The following RBFOX1 variants were observed in gnomAD, a reference collection of about 807,000 sequenced individuals.
The protein encoded by RBFOX1 is RNA binding protein fox-1 homolog 1.
A neutral mutation model predicts 57.7 loss-of-function variants in RBFOX1; 8 were observed. The ratio of observed to expected loss-of-function variants is 0.14; its 90% CI spans 0.08 to 0.25. RBFOX1 has a LOEUF of 0.25. Ranked by LOEUF, RBFOX1 falls within the 10% of genes least tolerant of loss-of-function variation. The pLI is 1.00. For synonymous variants in RBFOX1, 326 were observed against 222.4 expected (o/e 1.47, Z -4.15); for missense variants, 611 against 548.5 (o/e 1.11, Z -1.14).
At chr16:6,059,373 T>C (rs912523232) in intron 1 of RBFOX1, 3 of 152,172 alleles carry the variant, frequency 2.0e-5, no homozygotes, top group Admixed American at 1.3e-4. Context: ...GTGATTTATA[T>C]AGAGATGACC....
At chr16:6,274,804 A>C (rs1201130081) in intron 1 of RBFOX1, among the ~76,000 whole-genome samples, 1 of 152,200 alleles carries the variant, frequency 6.6e-6, no homozygotes, top group African/African-American at 2.4e-5. Flanking sequence ...TAATAAAACT[A>C]AGTGCTATTC....
intron 1 of RBFOX1, among the ~76,000 whole-genome samples, chr16:5,451,970 C>A (rs1237850219): frequency 6.6e-6 from 1 of 152,074 alleles, no homozygotes; most frequent in Non-Finnish European, 1.5e-5. Context: ...TAAAATTCAC[C>A]ATCAAATTGA....
At chr16:6,592,685 G>A (rs1281541537) in intron 2 of RBFOX1, among the ~76,000 whole-genome samples, 1 of 152,170 alleles carries the variant, frequency 6.6e-6, no homozygotes, top group African/African-American at 2.4e-5. Flanking sequence ...GAAGCTCATA[G>A]TCCCCTGAGA....
intron 3 of RBFOX1, among the ~76,000 whole-genome samples, chr16:6,874,581 C>T (rs13339043): frequency 0.011 from 1,617 of 150,052 alleles, 23 homozygotes; most frequent in African/African-American, 0.038. Context: ...AGTGAGAGGC[C>T]GTTATTGTAA....
chr16:7,445,759 G>A (rs773347216), intron 4 of RBFOX1, among the ~76,000 whole-genome samples: 3 of 152,152 alleles, frequency 2.0e-5, no homozygotes, highest in East Asian at 3.9e-4. Flanking sequence ...CGCGGGTGAC[G>A]TTTGGAGATG....
chr16:6,938,647 GGGCA>G (rs1308769792), intron 3 of RBFOX1, among the ~76,000 whole-genome samples: 1 of 152,174 alleles, frequency 6.6e-6, no homozygotes. Flanking sequence ...CTAGGTTAAA[GGGCA>G]GAAAATTGTA....
At chr16:7,702,747 T>C (rs1283240927) in intron 14 of RBFOX1, among the ~76,000 whole-genome samples, 2 of 152,210 alleles carry the variant, frequency 1.3e-5, no homozygotes. Context: ...CTGGAATGTA[T>C]GTTCCAGATG....
At chr16:6,774,584 A>G (rs965358689) in intron 3 of RBFOX1, among the ~76,000 whole-genome samples, 1 of 152,222 alleles carries the variant, frequency 6.6e-6, no homozygotes, top group African/African-American at 2.4e-5. Context: ...GATTGTTACA[A>G]ACAATCTACA....
chr16:6,344,191 C>A (rs1195631688), intron 2 of RBFOX1, among the ~76,000 whole-genome samples: 1 of 151,984 alleles, frequency 6.6e-6, no homozygotes, highest in South Asian at 2.1e-4. Context: ...GCTAGGATTA[C>A]AGGTGCCTGC....
intron 4 of RBFOX1, among the ~76,000 whole-genome samples, chr16:7,457,983 T>G (rs528434220): frequency 6.6e-6 from 1 of 152,246 alleles, no homozygotes; most frequent in Non-Finnish European, 1.5e-5. Flanking sequence ...AAGGCTACAT[T>G]CCACAGTTCC....
intron 1 of RBFOX1, among the ~76,000 whole-genome samples, chr16:6,232,347 C>T (rs574162977): frequency 6.6e-6 from 1 of 152,268 alleles, no homozygotes; most frequent in East Asian, 1.9e-4. Context: ...GCAGCTAATT[C>T]TCAAAGAAGG....
intron 1 of RBFOX1, among the ~76,000 whole-genome samples, chr16:6,249,531 C>G (rs1292803719): frequency 6.6e-6 from 1 of 151,930 alleles, no homozygotes; most frequent in African/African-American, 2.4e-5. Context: ...CTCAAAAAAA[C>G]AAACAAACAA....
intron 4 of RBFOX1, among the ~76,000 whole-genome samples, chr16:7,098,955 C>A (rs1437228998): frequency 2.0e-5 from 3 of 152,070 alleles, no homozygotes; most frequent in Non-Finnish European, 4.4e-5. Flanking sequence ...TGATATTGAG[C>A]TGGTTGCTTA....
chr16:6,668,130 C>T (rs930238611), intron 3 of RBFOX1, among the ~76,000 whole-genome samples: 1 of 152,110 alleles, frequency 6.6e-6, no homozygotes, highest in Non-Finnish European at 1.5e-5. Context: ...CTCAATCTGA[C>T]TGAAAGAGTA....
At chr16:5,411,472 A>AC (rs2067020282) in intron 1 of RBFOX1, among the ~76,000 whole-genome samples, 1 of 152,218 alleles carries the variant, frequency 6.6e-6, no homozygotes, top group African/African-American at 2.4e-5. Flanking sequence ...TCCAGGAGGA[A>AC]CACAGCCCTG....
At chr16:6,966,919 C>G (rs1445987953) in intron 3 of RBFOX1, among the ~76,000 whole-genome samples, 23 of 151,608 alleles carry the variant, frequency 1.5e-4, no homozygotes, top group East Asian at 1.9e-4. Context: ...ATCCATCCAT[C>G]CATCCATCCA....
At chr16:5,555,244 T>TTTA (rs888300346) in intron 2 of RBFOX1, among the ~76,000 whole-genome samples, 2 of 151,974 alleles carry the variant, frequency 1.3e-5, no homozygotes, top group African/African-American at 2.4e-5. Context: ...TGCAATTACT[T>TTTA]TTATTATTAT....
intron 3 of RBFOX1, among the ~76,000 whole-genome samples, chr16:5,809,688 A>G (rs1171663794): frequency 1.3e-5 from 2 of 152,214 alleles, no homozygotes; most frequent in African/African-American, 2.4e-5. Context: ...GGTGCTGGAG[A>G]GGATGTGGAG....
intron 4 of RBFOX1, among the ~76,000 whole-genome samples, chr16:6,013,466 C>G (rs897120341): frequency 3.3e-5 from 5 of 152,082 alleles, no homozygotes; most frequent in African/African-American, 1.2e-4. Context: ...GGAATCTCCA[C>G]CCTCATGATC....
Sources: gnomAD v4.1 joint callset for allele counts (sites outside exome capture counted in the v4.1 genomes callset) on GRCh38, gnomAD v4.1.1 for gene constraint, MANE v1.5 for transcripts, NCBI Gene and HGNC (gene_info 2026-07-23, HGNC 2026-07-21) for gene names.